Variants in BTBD9 observed in about 807,000 individuals in gnomAD.
BTBD9 encodes BTB domain containing 9, also known as BTB/POZ domain-containing protein 9.
A neutral mutation model predicts 64.3 loss-of-function variants in BTBD9; 49 were observed. The observed-to-expected ratio is 0.76, with a 90% confidence interval of 0.61 to 0.97. The LOEUF (loss-of-function observed/expected upper bound fraction) is 0.97, where lower values mean the gene tolerates loss of function less well. Ranked by LOEUF, BTBD9 falls within the 50% of genes least tolerant of loss-of-function variation. The pLI is 0.00. For missense variants in BTBD9, 598 were observed against 762.1 expected, an observed-to-expected ratio of 0.78 and a Z score of 2.53; for synonymous variants, 260 against 274.7, an observed-to-expected ratio of 0.95 and a Z score of 0.53.
chr6:38,527,402 T>G (rs1272610609), intron 6 of BTBD9, among the ~76,000 whole-genome samples: 1 of 150,970 alleles, frequency 6.6e-6, no homozygotes, highest in Non-Finnish European at 1.5e-5. Context: ...GAGGAAACTG[T>G]AATCCCCACA....
chr6:38,387,743 C>A (rs761762820), intron 6 of BTBD9, among the ~76,000 whole-genome samples: 1 of 151,958 alleles, frequency 6.6e-6, no homozygotes, highest in Non-Finnish European at 1.5e-5. Flanking sequence ...TCCATTTATG[C>A]CCAGAGGAGA....
intron 6 of BTBD9, among the ~76,000 whole-genome samples, chr6:38,446,393 G>A (rs557607217): frequency 4.6e-5 from 7 of 152,160 alleles, no homozygotes; most frequent in Admixed American, 6.5e-5. Flanking sequence ...GAGGGGTCCC[G>A]GAGAAATGGG....
At chr6:38,437,165 A>G (rs1348477836) in intron 6 of BTBD9, among the ~76,000 whole-genome samples, 1 of 152,210 alleles carries the variant, frequency 6.6e-6, no homozygotes, top group Admixed American at 6.5e-5. Flanking sequence ...TCACGTGTAT[A>G]TTTTTAAGAC....
chr6:38,526,462 C>A (rs1562297874), intron 6 of BTBD9, among the ~76,000 whole-genome samples: 1 of 152,190 alleles, frequency 6.6e-6, no homozygotes. Flanking sequence ...GGGTTGGACC[C>A]CCCTACATGG....
chr6:38,490,660 A>G (rs1373301163), intron 6 of BTBD9, among the ~76,000 whole-genome samples: 2 of 152,164 alleles, frequency 1.3e-5, no homozygotes, highest in African/African-American at 4.8e-5. Flanking sequence ...TTGACATGTG[A>G]AAGAAGGGAA....
chr6:38,320,264 G>C (rs1244436536), intron 7 of BTBD9, among the ~76,000 whole-genome samples: 1 of 152,152 alleles, frequency 6.6e-6, no homozygotes, highest in Non-Finnish European at 1.5e-5. Context: ...TTCTTACTAA[G>C]GTGCTTTTTT....
intron 7 of BTBD9, among the ~76,000 whole-genome samples, chr6:38,335,347 G>A (rs1021613991): frequency 4.0e-5 from 6 of 151,742 alleles, no homozygotes; most frequent in African/African-American, 1.5e-4. Context: ...CCGCCTCCTG[G>A]GTTCAAAGGA....
At chr6:38,311,395 C>A (rs190445078) in intron 7 of BTBD9, among the ~76,000 whole-genome samples, 144 of 152,234 alleles carry the variant, frequency 9.5e-4, no homozygotes, top group African/African-American at 3.2e-3. Context: ...CACGTTGTTG[C>A]AAATGACAGG....
At chr6:38,453,761 G>T (rs1214922931) in intron 6 of BTBD9, among the ~76,000 whole-genome samples, 2 of 152,106 alleles carry the variant, frequency 1.3e-5, no homozygotes, top group Non-Finnish European at 2.9e-5. Flanking sequence ...CCCAAATGGA[G>T]AGAGAAGATG....
rs1289159657 is a variant in BTBD9 at position 38,169,980 on chromosome 6, G to C, written c.*5005C>G. 4 of 152,284 alleles carry C rather than the reference G, an allele frequency of 2.6e-5. No homozygotes were observed. Among genetic ancestry groups the C allele is most frequent in the African/African-American group, 9.6e-5 (4 of 41,462 alleles). 9.4% of individuals were successfully genotyped at this position (152,284 alleles called of 1,614,324 possible). ...GACTGGAAGCTCGCTGGGTGCAGCA[G>C]ACTGGCCTGGGAGATGCCAGGGTGC... On this transcript the variant is annotated 3_prime_UTR_variant, in exon 11 of 11. Transcript: ENST00000481247.
intron 9 of BTBD9, among the ~76,000 whole-genome samples, chr6:38,217,318 C>CAAA (rs3047754): frequency 1.1e-3 from 77 of 69,242 alleles, no homozygotes; most frequent in East Asian, 3.9e-3. Flanking sequence ...GACTCCATCT[C>CAAA]AAAAAAAAAA....
At chr6:38,494,605 T>C (rs1457744951) in intron 6 of BTBD9, among the ~76,000 whole-genome samples, 1 of 152,272 alleles carries the variant, frequency 6.6e-6, no homozygotes, top group Non-Finnish European at 1.5e-5. Flanking sequence ...TTCAAAGTTG[T>C]AAGCATATCT....
intron 6 of BTBD9, among the ~76,000 whole-genome samples, chr6:38,441,451 C>T (rs75140133): frequency 0.069 from 10,562 of 151,996 alleles, 727 homozygotes; most frequent in African/African-American, 0.17. Context: ...AGAGGGGGTC[C>T]CAGTCTGTCG....
intron 7 of BTBD9, among the ~76,000 whole-genome samples, chr6:38,321,212 C>T (rs538462307): frequency 5.9e-5 from 9 of 152,198 alleles, no homozygotes; most frequent in East Asian, 5.8e-4. Context: ...ACATATGAAA[C>T]GAATCACAGA....
At chr6:38,556,334 T>C (rs933782330) in intron 6 of BTBD9, among the ~76,000 whole-genome samples, 6 of 152,178 alleles carry the variant, frequency 3.9e-5, no homozygotes, top group African/African-American at 1.4e-4. Flanking sequence ...CACCATTCAC[T>C]AACTATAACA....
intron 6 of BTBD9, among the ~76,000 whole-genome samples, chr6:38,434,421 T>G (rs62397049): frequency 0.22 from 33,724 of 151,892 alleles, 4,290 homozygotes; most frequent in East Asian, 0.49. Context: ...CAGAAAATGT[T>G]TAAATGCACC....
chr6:38,563,845 G>A (rs571259636), intron 6 of BTBD9, among the ~76,000 whole-genome samples: 4 of 142,876 alleles, frequency 2.8e-5, no homozygotes, highest in South Asian at 2.2e-4. Context: ...GCAGTGGCAC[G>A]ATCTTGGCTC....
At chr6:38,605,687 G>A (rs1777408555) in intron 1 of BTBD9, among the ~76,000 whole-genome samples, 1 of 152,152 alleles carries the variant, frequency 6.6e-6, no homozygotes, top group South Asian at 2.1e-4. Context: ...GCATGGTGGT[G>A]TGCATCTGCA....
At chr6:38,446,107 G>GT (rs891020344) in intron 6 of BTBD9, among the ~76,000 whole-genome samples, 1 of 152,132 alleles carries the variant, frequency 6.6e-6, no homozygotes, top group Non-Finnish European at 1.5e-5. Context: ...AGTAAGACAC[G>GT]TGAGTAGTGA....
Sources: allele counts gnomAD v4.1 joint callset (sites outside exome capture counted in the v4.1 genomes callset), GRCh38; gene constraint gnomAD v4.1.1; transcripts MANE v1.5; gene names NCBI Gene and HGNC (gene_info 2026-07-23, HGNC 2026-07-21).